KHDRBS2: variants seen among roughly 807,000 people sequenced by gnomAD.
The protein encoded by KHDRBS2 is KH RNA binding domain containing, signal transduction associated 2.
In KHDRBS2, 26 loss-of-function variants were observed where a neutral mutation model predicts 44.3. The observed-to-expected ratio is 0.59, with a 90% confidence interval of 0.43 to 0.81. The LOEUF (loss-of-function observed/expected upper bound fraction) is 0.81. Ranked by LOEUF, KHDRBS2 falls within the 40% of genes least tolerant of loss-of-function variation. The pLI is 0.00. For missense variants in KHDRBS2, 476 were observed against 433.1 expected, an observed-to-expected ratio of 1.10 and a Z score of -0.88; for synonymous variants, 194 against 151.1, an observed-to-expected ratio of 1.28 and a Z score of -2.08.
At chr6:61,605,517 C>T in the KHDRBS2 span, among the ~76,000 whole-genome samples, 1 of 152,144 alleles carries the variant, frequency 6.6e-6, no homozygotes, top group African/African-American at 2.4e-5. Flanking sequence ...TCCTTTAATA[C>T]ATATTTTTCT....
At chr6:61,859,716 A>G (rs1341481371) in intron 6 of KHDRBS2, among the ~76,000 whole-genome samples, 2 of 152,008 alleles carry the variant, frequency 1.3e-5, no homozygotes, top group Non-Finnish European at 2.9e-5. Context: ...AATCAACATA[A>G]ACATGCAAGT....
chr6:61,822,962 C>T (rs1197139698), intron 6 of KHDRBS2, among the ~76,000 whole-genome samples: 4 of 151,984 alleles, frequency 2.6e-5, no homozygotes, highest in Admixed American at 6.6e-5. Flanking sequence ...TTGGTCATCT[C>T]CATAAGGACA....
chr6:61,746,877 C>T (rs945832851), intron 6 of KHDRBS2, among the ~76,000 whole-genome samples: 9 of 151,964 alleles, frequency 5.9e-5, no homozygotes, highest in Middle Eastern at 3.4e-3. Flanking sequence ...AACAGACAAA[C>T]GGGATCCAAT....
Position 62,064,722 on chromosome 6 carries a change from C to A in KHDRBS2, c.220-16728G>T, listed in dbSNP as rs1793079085. Reference sequence around the variant, plus strand: ...TTACCATTCAGGTCACAGGCATGGGCAAGGGCTTCATGTCTAAAACACCAA... The same window carrying A: ...TTACCATTCAGGTCACAGGCATGGGAAAGGGCTTCATGTCTAAAACACCAA... On this transcript the variant is annotated intron_variant, in intron 2 of 8. Transcript: ENST00000281156. 2.0e-5 allele frequency among the ~76,000 whole-genome samples: 3 copies of A among 152,204 alleles called. No homozygotes were observed. The South Asian group carries it at 6.2e-4, about 32-fold the overall frequency.
At chr6:61,965,129 T>G (rs1583834880) in intron 4 of KHDRBS2, among the ~76,000 whole-genome samples, 1 of 152,018 alleles carries the variant, frequency 6.6e-6, no homozygotes, top group South Asian at 2.1e-4. Flanking sequence ...AAAAGGGAAA[T>G]GCTAAATTCC....
chr6:61,657,591 T>C, the KHDRBS2 span, among the ~76,000 whole-genome samples: 1 of 151,924 alleles, frequency 6.6e-6, no homozygotes, highest in Non-Finnish European at 1.5e-5. Context: ...AACAAACGTG[T>C]CCTACAAAAA....
At chr6:61,882,766 T>A (rs766951025) in intron 6 of KHDRBS2, among the ~76,000 whole-genome samples, 4 of 152,022 alleles carry the variant, frequency 2.6e-5, no homozygotes, top group Non-Finnish European at 2.9e-5. Context: ...AGGGAATCCA[T>A]AACAGAAAAG....
intron 2 of KHDRBS2, among the ~76,000 whole-genome samples, chr6:62,085,120 T>G (rs557347678): frequency 6.6e-6 from 1 of 152,158 alleles, no homozygotes; most frequent in Non-Finnish European, 1.5e-5. Flanking sequence ...TAGCACCTAC[T>G]CATTCTGATA....
At chr6:62,206,273 T>C (rs1357252252) in intron 1 of KHDRBS2, among the ~76,000 whole-genome samples, 1 of 152,112 alleles carries the variant, frequency 6.6e-6, no homozygotes, top group Non-Finnish European at 1.5e-5. Context: ...AACCTAAATG[T>C]TTATGCACAA....
At position 61,921,387 on chromosome 6, in the gene KHDRBS2, GT is replaced by G. The variant is rs539826933; in HGVS notation, c.484-20017del. Among the ~76,000 whole-genome samples, 101 of 151,992 alleles carry G rather than the reference GT, an allele frequency of 6.6e-4. 1 individual carries two copies. The highest frequency in any genetic ancestry group is 2.3e-3 in the African/African-American group (94 of 41,510). ...AACTCCCAAGTTTCATTATGCACAC[GT>G]TAAAGCAGCCCTCTTTATTGATATT... is the stretch of plus-strand genomic sequence containing the variant. On this transcript the variant is annotated intron_variant, in intron 4 of 8. Transcript: ENST00000281156.
chr6:62,032,167 G>T (rs1037887759), intron 3 of KHDRBS2, among the ~76,000 whole-genome samples: 3 of 152,098 alleles, frequency 2.0e-5, no homozygotes, highest in African/African-American at 7.2e-5. Context: ...AACTTGATTG[G>T]ATTGAAGGAT....
In KHDRBS2 at chr6:61,980,207, T is replaced by A. The variant is rs577592885; in HGVS notation, c.337-1995A>T. Among the ~76,000 whole-genome samples, 9 of 152,238 alleles carry A rather than the reference T, an allele frequency of 5.9e-5. 1 individual carries two copies. In the South Asian group the frequency reaches 1.9e-3, roughly 32 times the overall value. On this transcript the variant is annotated intron_variant, in intron 3 of 8. Coordinates refer to ENST00000281156, the MANE Select transcript of KHDRBS2 (RefSeq NM_152688.4). ...ACCCATACTGCTCTTTGTAGGAAGA[T>A]TATTGTGCAGGAAAGTGATCTAAGT...
At position 61,898,896 on chromosome 6, in the gene KHDRBS2, A is replaced by G. The variant is rs546672950; in HGVS notation, c.611+2348T>C. ...ATGGAATTATGTGAAACAATATCTA[A>G]CTCTTTTCTTGATTGAAAATTATTG... On this transcript the variant is annotated intron_variant, in intron 5 of 8. Coordinates refer to ENST00000281156, the MANE Select transcript of KHDRBS2 (RefSeq NM_152688.4). Among the ~76,000 whole-genome samples the G allele has an allele frequency of 1.1e-4, 16 of 152,082 alleles. No homozygotes were observed. The South Asian group carries it at 3.3e-3, about 31-fold the overall frequency.
In KHDRBS2 at chr6:61,704,290, C is replaced by T. The variant is rs536008916; in HGVS notation, c.894-7037G>A. ...ATAAATGGGGCTGAAAAAGGCTTCACGGAAATTACAGTCTAATAGAAAAAC... is the reference window on the plus strand; with the variant it reads ...ATAAATGGGGCTGAAAAAGGCTTCATGGAAATTACAGTCTAATAGAAAAAC... On this transcript the variant is annotated intron_variant, in intron 7 of 8. Transcript: ENST00000281156. Among the ~76,000 whole-genome samples the T allele has an allele frequency of 5.3e-5, 8 of 151,878 alleles. No individual in the cohort carries two copies. In the South Asian group the frequency reaches 1.0e-3, roughly 20 times the overall value.
intron 1 of KHDRBS2, among the ~76,000 whole-genome samples, chr6:62,216,325 A>T (rs1009596585): frequency 1.3e-5 from 2 of 151,816 alleles, no homozygotes; most frequent in African/African-American, 4.8e-5. Context: ...GAATAGGTTG[A>T]TTGACACTTT....
intron 4 of KHDRBS2, among the ~76,000 whole-genome samples, chr6:61,947,200 T>A (rs1813554955): frequency 6.6e-6 from 1 of 152,138 alleles, no homozygotes; most frequent in Non-Finnish European, 1.5e-5. Flanking sequence ...TTATAAGACA[T>A]CTGCAAAATG....
At chr6:62,094,265 G>A (rs1800103782) in intron 2 of KHDRBS2, among the ~76,000 whole-genome samples, 1 of 151,596 alleles carries the variant, frequency 6.6e-6, no homozygotes, top group South Asian at 2.1e-4. Flanking sequence ...TTTTAATTTT[G>A]ATTTGAATTT....
At chr6:62,117,807 G>A (rs978972170) in intron 2 of KHDRBS2, among the ~76,000 whole-genome samples, 1 of 151,354 alleles carries the variant, frequency 6.6e-6, no homozygotes, top group Non-Finnish European at 1.5e-5. Flanking sequence ...ATGGAGTCTC[G>A]CTCTGTCACC....
chr6:61,843,631 C>T (rs1793939933), intron 6 of KHDRBS2, among the ~76,000 whole-genome samples: 1 of 152,068 alleles, frequency 6.6e-6, no homozygotes, highest in Non-Finnish European at 1.5e-5. Flanking sequence ...TCCCAAAGTG[C>T]TGGGATTACA....
Sources: allele counts gnomAD v4.1 joint callset (sites outside exome capture counted in the v4.1 genomes callset), GRCh38; gene constraint gnomAD v4.1.1; transcripts MANE v1.5; gene names NCBI Gene and HGNC (gene_info 2026-07-23, HGNC 2026-07-21).